The following PRORP variants were observed in gnomAD, a reference collection of about 807,000 sequenced individuals.
PRORP encodes protein only RNase P catalytic subunit.
A neutral mutation model predicts 59.4 loss-of-function variants in PRORP; 51 were observed. That is an observed-to-expected ratio of 0.86 (90% CI 0.69 to 1.08). The LOEUF (loss-of-function observed/expected upper bound fraction) is 1.08, where lower values mean the gene tolerates loss of function less well. Ranked by LOEUF, PRORP falls within the 50% of genes least tolerant of loss-of-function variation. The probability of loss-of-function intolerance (pLI) is 0.00; values close to 1 mark genes in which losing one functional copy is unlikely to be tolerated. For missense variants in PRORP, 646 were observed against 690.3 expected (o/e 0.94, Z 0.72); for synonymous variants, 231 against 245.6 (o/e 0.94, Z 0.55).
chr14:35,172,477 C>CTTTTCTTT (rs1595237284), intron 4 of PRORP, among the ~76,000 whole-genome samples: 2 of 46,362 alleles, frequency 4.3e-5, no homozygotes, highest in African/African-American at 7.6e-5. Flanking sequence ...TCCCCTCTTT[C>CTTTTCTTT]CTTTCTTTCC....
At chr14:35,140,231 ATG>A (rs61039213) in intron 4 of PRORP, among the ~76,000 whole-genome samples, 70,379 of 141,208 alleles carry the variant, frequency 0.5, 21,660 homozygotes, top group African/African-American at 0.58. Context: ...TATGGTAGAT[ATG>A]TGTGTGTGTG....
intron 5 of PRORP, among the ~76,000 whole-genome samples, chr14:35,212,881 AG>A (rs1190614354): frequency 6.6e-6 from 1 of 152,196 alleles, no homozygotes; most frequent in East Asian, 1.9e-4. Context: ...TTCTAATAGA[AG>A]GCTTTTTTGT....
chr14:35,209,864 GT>G (rs1449754685), intron 5 of PRORP, among the ~76,000 whole-genome samples: 27 of 152,246 alleles, frequency 1.8e-4, no homozygotes, highest in African/African-American at 6.5e-4. Flanking sequence ...TATGTGCTCA[GT>G]TGAGTTACAT....
chr14:35,236,319 T>C (rs2050212866), intron 5 of PRORP, among the ~76,000 whole-genome samples: 1 of 152,218 alleles, frequency 6.6e-6, no homozygotes, highest in Admixed American at 6.5e-5. Flanking sequence ...CATGCTTTTC[T>C]GATTCTCTTG....
At chr14:35,265,837 CCT>C (rs955785182) in intron 5 of PRORP, among the ~76,000 whole-genome samples, 2 of 151,960 alleles carry the variant, frequency 1.3e-5, no homozygotes, top group African/African-American at 4.8e-5. Context: ...CCCTCTTGAG[CCT>C]CTCTATCTCT....
In PRORP at chr14:35,139,679, T is replaced by C. The variant is rs1459348199; in HGVS notation, c.1167+12068T>C. 2.1e-5 allele frequency among the ~76,000 whole-genome samples: 3 copies of C among 146,126 alleles called. 1 individual carries two copies. In the East Asian group the frequency reaches 6.9e-4, roughly 34 times the overall value. ...AGTTTGGTGCTGTTATAAATAAAGC[T>C]GATTAGAACAGTCTTGAACAAGTCT... On this transcript the variant is annotated intron_variant, in intron 4 of 7. Transcript: ENST00000534898.
At chr14:35,159,541 A>G (rs2048007443) in intron 4 of PRORP, among the ~76,000 whole-genome samples, 1 of 152,046 alleles carries the variant, frequency 6.6e-6, no homozygotes, top group Non-Finnish European at 1.5e-5. Context: ...ATCAGTATCT[A>G]TTGTTATTTC....
At chr14:35,256,869 CTTT>C (rs71121272) in intron 5 of PRORP, among the ~76,000 whole-genome samples, 1 of 136,944 alleles carries the variant, frequency 7.3e-6, no homozygotes, top group Non-Finnish European at 1.6e-5. Context: ...TGATAAAATC[CTTT>C]TTTTTTTTTT....
At chr14:35,226,258 G>C (rs1176732483) in intron 5 of PRORP, among the ~76,000 whole-genome samples, 1 of 152,160 alleles carries the variant, frequency 6.6e-6, no homozygotes, top group Non-Finnish European at 1.5e-5. Flanking sequence ...TACTATGACA[G>C]ATGCAAAGAT....
chr14:35,201,917 C>A (rs1007321484), intron 5 of PRORP, among the ~76,000 whole-genome samples: 1 of 151,414 alleles, frequency 6.6e-6, no homozygotes, highest in Admixed American at 6.6e-5. Flanking sequence ...TTGGGCCTCC[C>A]AAGGTGCTGG....
chr14:35,230,938 A>AACACACACACACAC (rs60270535), intron 5 of PRORP, among the ~76,000 whole-genome samples: 37 of 144,566 alleles, frequency 2.6e-4, no homozygotes, highest in Admixed American at 9.1e-4. Context: ...AGGAAAAGAG[A>AACACACACACACAC]ACACACACAC....
At chr14:35,128,205 A>C (rs1258343012) in intron 4 of PRORP, among the ~76,000 whole-genome samples, 1 of 151,954 alleles carries the variant, frequency 6.6e-6, no homozygotes, top group African/African-American at 2.4e-5. Context: ...TGTATTGTTG[A>C]ATTTGGTATG....
Position 35,141,483 on chromosome 14 carries a change from G to A in PRORP, c.1167+13872G>A, listed in dbSNP as rs376932601. Among the ~76,000 whole-genome samples, 7 of 144,266 alleles carry A rather than the reference G, an allele frequency of 4.9e-5. 1 individual carries two copies. The highest frequency in any genetic ancestry group is 2.3e-4 in the South Asian group (1 of 4,396). The allele number at this position is 144,266 out of a possible 152,430, so 94.6% of individuals were successfully genotyped here. The stretch of plus-strand genomic sequence containing the variant: ...GGGTCTCACTATGTTGCCTAGGCTG[G>A]TCTTGAACTCCTGGCTTCTAGTGGT... On this transcript the variant is annotated intron_variant, in intron 4 of 7. Transcript: ENST00000534898.
At chr14:35,261,235 G>A (rs1428986289) in intron 5 of PRORP, among the ~76,000 whole-genome samples, 1 of 152,136 alleles carries the variant, frequency 6.6e-6, no homozygotes, top group Non-Finnish European at 1.5e-5. Context: ...CAGTCCTTGT[G>A]TACTGAGGTC....
intron 5 of PRORP, among the ~76,000 whole-genome samples, chr14:35,260,729 TG>T (rs1381739597): frequency 2.0e-5 from 3 of 152,258 alleles, no homozygotes; most frequent in African/African-American, 4.8e-5. Context: ...TCTGTATTCT[TG>T]CTTTCGCACC....
intron 3 of PRORP, among the ~76,000 whole-genome samples, chr14:35,127,199 T>C (rs1019624564): frequency 6.6e-6 from 1 of 152,072 alleles, no homozygotes; most frequent in African/African-American, 2.4e-5. Context: ...GAGACCATCC[T>C]GGCCAACATG....
At chr14:35,231,043 C>T (rs562576991) in intron 5 of PRORP, among the ~76,000 whole-genome samples, 43 of 151,970 alleles carry the variant, frequency 2.8e-4, no homozygotes, top group Middle Eastern at 3.4e-3. Context: ...GGTTGCCTCT[C>T]GGGAGAACAG....
chr14:35,152,886 A>T (rs1045632471), intron 4 of PRORP, among the ~76,000 whole-genome samples: 4 of 148,382 alleles, frequency 2.7e-5, no homozygotes, highest in Non-Finnish European at 1.5e-5. Flanking sequence ...GGCTGGGAAG[A>T]GGCGCTCCTC....
Position 35,194,826 on chromosome 14 carries a change from A to G in PRORP, c.1275+14049A>G, listed in dbSNP as rs759032697. Among the ~76,000 whole-genome samples, 128 of 152,328 alleles carry G rather than the reference A, an allele frequency of 8.4e-4. 1 individual carries two copies. The highest frequency in any genetic ancestry group is 1.5e-3 in the Non-Finnish European group (99 of 68,028). On this transcript the variant is annotated intron_variant, in intron 5 of 7. Transcript: ENST00000534898. The stretch of plus-strand genomic sequence containing the variant: ...ATATAATCTTCAAAATTATAAAGAA[A>G]GTCTTAAACTATGACTAGTATATCC...
Sources: allele counts gnomAD v4.1 joint callset (sites outside exome capture counted in the v4.1 genomes callset), GRCh38; gene constraint gnomAD v4.1.1; transcripts MANE v1.5; gene names NCBI Gene and HGNC (gene_info 2026-07-23, HGNC 2026-07-21).